Variants in ZNF276 observed in about 807,000 individuals in gnomAD.
The protein encoded by ZNF276 is zinc finger protein 276.
A neutral mutation model predicts 63.9 loss-of-function variants in ZNF276; 59 were observed. That is an observed-to-expected ratio of 0.92 (90% CI 0.75 to 1.15). The LOEUF is 1.15. Ranked by LOEUF, ZNF276 falls within the 50% of genes most tolerant of loss-of-function variation. The pLI, the probability that ZNF276 is intolerant of heterozygous loss-of-function variation, is 0.00. For missense variants in ZNF276, 1,084 were observed against 843.8 expected (o/e 1.28, Z -3.53); for synonymous variants, 496 against 348.4 (o/e 1.42, Z -4.72).
Position 89,721,762 on chromosome 16 carries a change from G to A in ZNF276, c.122G>A (p.Arg41Lys). ...CGCCCTTCCCTTAGCGGTGGGCCGA[G>A]GGTGGACGGGGCGACGGCGCGGCGC... ...RGRPSLSGGP[R>K]VDGATARRAW... The change falls in exon 1 of 11, where the codon AGG becomes AAG. Residue 41 changes from arginine to lysine, a missense_variant. Coordinates refer to ENST00000443381, the MANE Select transcript of ZNF276 (RefSeq NM_001113525.2). 7.8e-7 allele frequency: 1 copy of A among 1,279,230 alleles called. No individual in the cohort carries two copies. Among genetic ancestry groups the A allele is most frequent in the East Asian group, 3.2e-5 (1 of 31,572 alleles). The allele number at this position is 1,279,230 out of a possible 1,614,324, so 79.2% of individuals were successfully genotyped here.
upstream of ZNF276, chr16:89,721,216 C>T (rs1046962920): frequency 4.4e-6 from 1 of 225,410 alleles, no homozygotes; most frequent in African/African-American, 2.3e-5. Context: ...AGCCCGCCCG[C>T]CACCTGCGCG....
intron 1 of ZNF276, among the ~76,000 whole-genome samples, chr16:89,722,127 G>A (rs1380501485): frequency 6.6e-6 from 1 of 152,154 alleles, no homozygotes; most frequent in African/African-American, 2.4e-5. Context: ...TGGGGTGCCC[G>A]CGCGTGGGAA....
Position 89,733,929 on chromosome 16 carries a change from C to G in ZNF276, c.1365C>G (p.Ile455Met), listed in dbSNP as rs748254162. The change falls in exon 9 of 11, where the codon ATC becomes ATG. Residue 455 changes from isoleucine (I) to methionine (M), a missense_variant. Physicochemically the swap from Ile to Met is conservative, Grantham distance 10. Transcript: ENST00000443381. ...YRGADGMKKH[I>M]KEHHEEVRER... ...CCGAGTCTCTCCTTCAGAAGCACATCAAGGAGCACCACGAGGAGGTCCGGG... is the reference window on the plus strand; with the variant it reads ...CCGAGTCTCTCCTTCAGAAGCACATGAAGGAGCACCACGAGGAGGTCCGGG... 33 of 1,613,764 alleles carry G rather than the reference C, an allele frequency of 2.0e-5. No individual in the cohort carries two copies. The South Asian group carries it at 3.4e-4, about 17-fold the overall frequency.
At chr16:89,720,877 AGGC>A, upstream of ZNF276, 5 of 1,349,038 alleles carry the variant, frequency 3.7e-6, no homozygotes, top group South Asian at 1.8e-5. Context: ...CGAGCGGGGG[AGGC>A]GGCGGCGGTA....
At chr16:89,737,159 T>C (rs1476748873) in intron 9 of ZNF276, among the ~76,000 whole-genome samples, 5 of 152,158 alleles carry the variant, frequency 3.3e-5, no homozygotes, top group African/African-American at 9.7e-5. Context: ...CATATGGAGA[T>C]GAATTCTAGA....
intron 9 of ZNF276, among the ~76,000 whole-genome samples, chr16:89,734,700 G>A (rs2061791180): frequency 6.6e-6 from 1 of 152,184 alleles, no homozygotes; most frequent in Non-Finnish European, 1.5e-5. Flanking sequence ...ACAGGCGGGA[G>A]GCACGTGTGG....
intron 9 of ZNF276, 104 bp from the exon 10 acceptor site, chr16:89,737,702 T>G: frequency 1.3e-6 from 2 of 1,581,218 alleles, no homozygotes; most frequent in Non-Finnish European, 8.6e-7. Context: ...GTGAACCATG[T>G]GCAGAAATGT....
At chr16:89,720,693 G>A, upstream of ZNF276, 5 of 1,313,702 alleles carry the variant, frequency 3.8e-6, no homozygotes, top group South Asian at 2.0e-5. Flanking sequence ...CCCCGTCCTC[G>A]CCCTCCCCGG....
At position 89,721,544 on chromosome 16, in the gene ZNF276, C is replaced by G. The variant is rs1258132739; in HGVS notation, c.-97C>G. 9.4e-6 allele frequency: 12 copies of G among 1,279,316 alleles called. No individual in the cohort carries two copies. The Admixed American group carries it at 3.7e-4, about 39-fold the overall frequency. 79.2% of individuals were successfully genotyped at this position (1,279,316 alleles called of 1,614,324 possible). The stretch of plus-strand genomic sequence containing the variant: ...TCGCTCCGCCCCTCCCCCGCCCCGC[C>G]TCGCTTCCAGCGCGCCGAGCGGAGC... On this transcript the variant is annotated 5_prime_UTR_variant, in exon 1 of 11. Transcript: ENST00000443381.
chr16:89,738,732 A>AGCCCATGCC lies in ZNF276; in HGVS notation c.*492_*500dup. Reference sequence around the variant, plus strand: ...AGCTGTGAGAGAGGAGCAGGTCCTCAGCCCATGCCGCCCACTAGGCCTCAG... The same window carrying AGCCCATGCC: ...AGCTGTGAGAGAGGAGCAGGTCCTCAGCCCATGCCGCCCATGCCGCCCACTAGGCCTCAG... On this transcript the variant is annotated 3_prime_UTR_variant, in exon 11 of 11. Coordinates refer to ENST00000443381, the MANE Select transcript of ZNF276 (RefSeq NM_001113525.2). The AGCCCATGCC allele has an allele frequency of 6.2e-7, 1 of 1,613,398 alleles. No individual in the cohort carries two copies.
chr16:89,733,871 A>T (rs371607852), intron 8 of ZNF276, 50 bp from the exon 9 acceptor site: 26 of 1,580,924 alleles, frequency 1.6e-5, no homozygotes, highest in Non-Finnish European at 2.3e-5. Context: ...GGCTCGTGCC[A>T]TGTGGCCCGG....
chr16:89,721,045 G>A, upstream of ZNF276: 1 of 496,806 alleles, frequency 2.0e-6, no homozygotes, highest in Non-Finnish European at 3.1e-6. Flanking sequence ...TTAGTGGCGG[G>A]GGCGGCAGAG....
intron 9 of ZNF276, among the ~76,000 whole-genome samples, chr16:89,735,806 C>T (rs1016828421): frequency 5.3e-5 from 8 of 152,264 alleles, no homozygotes; most frequent in African/African-American, 1.9e-4. Context: ...CCTCCACCTC[C>T]CTAGTTCAAG....
Position 89,740,359 on chromosome 16 carries a change from G to C in ZNF276, c.*2113G>C, listed in dbSNP as rs1281457280. On this transcript the variant is annotated 3_prime_UTR_variant, in exon 11 of 11. Coordinates refer to ENST00000443381, the MANE Select transcript of ZNF276 (RefSeq NM_001113525.2). ...AAGACATTAAAAGAAAGGCCCACAG[G>C]CCGGATGCAGTGGCTCATGCCTGTA... 3 of 529,732 alleles carry C rather than the reference G, an allele frequency of 5.7e-6. No individual in the cohort carries two copies. The highest frequency in any genetic ancestry group is 1.0e-5 in the Non-Finnish European group (3 of 293,808). The allele number at this position is 529,732 out of a possible 1,614,324, so 32.8% of individuals were successfully genotyped here.
At chr16:89,732,438 G>A (rs2061684364) in intron 6 of ZNF276, 1 of 152,988 alleles carries the variant, frequency 6.5e-6, no homozygotes, top group African/African-American at 2.4e-5. Context: ...CTTGAGCTTG[G>A]AATCAAGCTG....
chr16:89,722,639 G>A lies in ZNF276; in HGVS notation c.314G>A (p.Arg105Lys), dbSNP rs914868282. 2.5e-6 allele frequency: 4 copies of A among 1,612,090 alleles called. No individual in the cohort carries two copies. In the East Asian group the frequency reaches 6.7e-5, roughly 27 times the overall value. Residue 105 changes from arginine to lysine, a missense_variant, in exon 2 of 11, where the codon AGG becomes AAG. By Grantham distance (26) the Arg-to-Lys change is conservative. Transcript: ENST00000443381. Reference protein sequence around the residue: ...SERAPGASMERPSAEERVLVR... With the variant: ...SERAPGASMEKPSAEERVLVR... ...AGGGCGCCTGGAGCGAGCATGGAGA[G>A]GCCATCCGCAGAGGAGCGCGTGCTC...
At chr16:89,733,257 A>G (rs759061715) in intron 6 of ZNF276, 45 bp from the exon 7 acceptor site, 14 of 1,558,610 alleles carry the variant, frequency 9.0e-6, no homozygotes, top group Middle Eastern at 3.4e-4. Flanking sequence ...ACATTTTGCA[A>G]ATGGAGATCA....
rs369093499 is a variant in ZNF276 at position 89,722,815 on chromosome 16, C to T, written c.490C>T (p.Arg164Cys). 3.2e-5 allele frequency: 52 copies of T among 1,603,484 alleles called. No homozygotes were observed. The highest frequency in any genetic ancestry group is 4.3e-5 in the Non-Finnish European group (51 of 1,179,868). ...GAGGGTCAACGCCTCCCCGGCTGGT[C>T]GCCGGAAGCCTTGTGCAAAGTACGC... ...LQRVNASPAG[R>C]RKPCAKVGAQ... is the part of the protein sequence containing the mutation. The change falls in exon 2 of 11, where the codon CGC becomes TGC. Residue 164 changes from arginine to cysteine, a missense_variant. Physicochemically the swap from Arg to Cys is radical, Grantham distance 180. Transcript: ENST00000443381.
chr16:89,727,545 C>T lies in ZNF276; in HGVS notation c.1085+188C>T, dbSNP rs540366718. ...TAAGCCATCACAGGGGCCGGCTGTC[C>T]GTGCCCTGGTTGGGACACGCCTCCT... On this transcript the variant is annotated intron_variant, in intron 5 of 10. Coordinates refer to ENST00000443381, the MANE Select transcript of ZNF276 (RefSeq NM_001113525.2). 7.9e-5 allele frequency among the ~76,000 whole-genome samples: 12 copies of T among 152,296 alleles called. No homozygotes were observed. The South Asian group carries it at 8.3e-4, about 11-fold the overall frequency.
Sources: gnomAD v4.1 joint callset for allele counts (sites outside exome capture counted in the v4.1 genomes callset) on GRCh38, gnomAD v4.1.1 for gene constraint, MANE v1.5 for transcripts, NCBI Gene and HGNC (gene_info 2026-07-23, HGNC 2026-07-21) for gene names.